Variants in CNIH3 observed in about 807,000 individuals in gnomAD.
CNIH3 encodes the protein protein cornichon homolog 3.
A neutral mutation model predicts 24.1 loss-of-function variants in CNIH3; 14 were observed. The observed-to-expected ratio is 0.58, with a 90% CI of 0.38 to 0.91. The LOEUF (loss-of-function observed/expected upper bound fraction) is 0.91. CNIH3 is among the 40% of genes least tolerant of loss of function. The pLI, the probability that CNIH3 is intolerant of heterozygous loss-of-function variation, is 0.00. For missense variants in CNIH3, 178 were observed against 196.8 expected, an observed-to-expected ratio of 0.90 and a Z score of 0.57; for synonymous variants, 68 against 73.8, an observed-to-expected ratio of 0.92 and a Z score of 0.40.
At chr1:224,592,356 C>T (rs529217697), downstream of CNIH3, among the ~76,000 whole-genome samples, 1 of 152,138 alleles carries the variant, frequency 6.6e-6, no homozygotes, top group East Asian at 1.9e-4. Context: ...ACTCTCAGGA[C>T]ATATTGAAGT....
intron 3 of CNIH3, among the ~76,000 whole-genome samples, chr1:224,702,667 C>T (rs1251194640): frequency 6.6e-6 from 1 of 152,186 alleles, no homozygotes; most frequent in Non-Finnish European, 1.5e-5. Context: ...ACGTTTAAAA[C>T]CCAAGGATCC....
intron 2 of CNIH3, among the ~76,000 whole-genome samples, chr1:224,535,961 C>T (rs950804800): frequency 2.6e-5 from 4 of 152,330 alleles, no homozygotes; most frequent in South Asian, 2.1e-4. Context: ...CTCTTTCTCT[C>T]GCCCTCTGGC....
intron 3 of CNIH3, among the ~76,000 whole-genome samples, chr1:224,596,378 A>AG (rs1681981191): frequency 6.6e-6 from 1 of 152,256 alleles, no homozygotes; most frequent in Non-Finnish European, 1.5e-5. Context: ...CCCACTGTTG[A>AG]GACCTATTGC....
upstream of CNIH3, chr1:224,616,097 C>G (rs1682956035): frequency 6.4e-6 from 1 of 155,244 alleles, no homozygotes; most frequent in Admixed American, 6.5e-5. Context: ...TCCAGCCCTG[C>G]TTGTACTGCT....
At chr1:224,638,118 C>T (rs186654620) in intron 1 of CNIH3, among the ~76,000 whole-genome samples, 13 of 152,370 alleles carry the variant, frequency 8.5e-5, no homozygotes, top group African/African-American at 2.4e-4. Flanking sequence ...GAACGCCTTG[C>T]GGCTGTGCAT....
At chr1:224,574,707 G>A in intron 4 of CNIH3, 1 of 1,194,936 alleles carries the variant, frequency 8.4e-7, no homozygotes, top group Non-Finnish European at 1.2e-6. Context: ...GGTGAAAGGA[G>A]CCTGCCAGAA....
chr1:224,534,118 T>A (rs1217468495), intron 2 of CNIH3, among the ~76,000 whole-genome samples: 1 of 152,216 alleles, frequency 6.6e-6, no homozygotes, highest in Non-Finnish European at 1.5e-5. Flanking sequence ...TGAGCCATGA[T>A]CATGCCACTG....
chr1:224,516,413 C>T (rs978186273), intron 1 of CNIH3, among the ~76,000 whole-genome samples: 10 of 151,884 alleles, frequency 6.6e-5, no homozygotes, highest in African/African-American at 1.9e-4. Context: ...TAGTCAACTC[C>T]AGGTGCTACC....
At chr1:224,655,618 C>T (rs1004582447) in intron 1 of CNIH3, among the ~76,000 whole-genome samples, 8 of 152,224 alleles carry the variant, frequency 5.3e-5, no homozygotes, top group African/African-American at 1.9e-4. Context: ...GAGAACCTCA[C>T]TTCCACTTGT....
upstream of CNIH3, chr1:224,513,810 C>A (rs1678268470): frequency 6.6e-6 from 1 of 152,260 alleles, no homozygotes; most frequent in Non-Finnish European, 1.5e-5. Flanking sequence ...CGCACTCACA[C>A]GACCATTGAG....
intron 1 of CNIH3, among the ~76,000 whole-genome samples, chr1:224,637,354 C>A (rs1684140156): frequency 6.6e-6 from 1 of 152,138 alleles, no homozygotes; most frequent in African/African-American, 2.4e-5. Flanking sequence ...ATGTGCTGCA[C>A]CTGGATGCCA....
At chr1:224,517,485 T>C (rs979638771) in intron 1 of CNIH3, among the ~76,000 whole-genome samples, 5 of 152,254 alleles carry the variant, frequency 3.3e-5, no homozygotes, top group South Asian at 4.1e-4. Flanking sequence ...TTTATTATTA[T>C]TATTATTTCA....
At chr1:224,519,871 A>G (rs1367228605) in intron 1 of CNIH3, among the ~76,000 whole-genome samples, 2 of 152,114 alleles carry the variant, frequency 1.3e-5, no homozygotes, top group African/African-American at 4.8e-5. Flanking sequence ...TATAATTAAA[A>G]TTGATTTTGT....
At chr1:224,577,999 A>G (rs1454710862) in intron 4 of CNIH3, among the ~76,000 whole-genome samples, 1 of 148,618 alleles carries the variant, frequency 6.7e-6, no homozygotes, top group Non-Finnish European at 1.5e-5. Context: ...GTTCTCACTT[A>G]TGAGCAGGAG....
At chr1:224,482,077 G>A (rs1252621877) in intron 1 of CNIH3, among the ~76,000 whole-genome samples, 1 of 152,156 alleles carries the variant, frequency 6.6e-6, no homozygotes, top group Non-Finnish European at 1.5e-5. Flanking sequence ...TAAGGCCCAA[G>A]GCTGTTCAGT....
At chr1:224,518,296 T>C (rs537071744) in intron 1 of CNIH3, among the ~76,000 whole-genome samples, 1 of 152,350 alleles carries the variant, frequency 6.6e-6, no homozygotes, top group East Asian at 1.9e-4. Context: ...CAGGCAGACT[T>C]GGTGCCTGCC....
intron 1 of CNIH3, among the ~76,000 whole-genome samples, chr1:224,675,124 G>T (rs375365936): frequency 3.9e-5 from 6 of 152,250 alleles, no homozygotes; most frequent in African/African-American, 1.2e-4. Context: ...CATCTCAAAA[G>T]TCTGGTGAGA....
At chr1:224,633,604 G>GA (rs1200597440) in intron 1 of CNIH3, among the ~76,000 whole-genome samples, 2 of 152,230 alleles carry the variant, frequency 1.3e-5, no homozygotes, top group Non-Finnish European at 2.9e-5. Context: ...CTCTGTCCTT[G>GA]AATCACTCTG....
At chr1:224,554,036 C>T (rs1281292589) in intron 3 of CNIH3, among the ~76,000 whole-genome samples, 2 of 152,128 alleles carry the variant, frequency 1.3e-5, no homozygotes, top group Non-Finnish European at 2.9e-5. Context: ...ACATAAATAA[C>T]CCACCACAAG....
Sources: allele counts gnomAD v4.1 joint callset (sites outside exome capture counted in the v4.1 genomes callset), GRCh38; gene constraint gnomAD v4.1.1; transcripts MANE v1.5; gene names NCBI Gene and HGNC (gene_info 2026-07-23, HGNC 2026-07-21).